The following CSMD1 variants were observed in gnomAD, a reference collection of about 807,000 sequenced individuals.
CSMD1 encodes the protein CUB and Sushi multiple domains 1.
In CSMD1, 213 loss-of-function variants were observed where a neutral mutation model predicts 417.5. That is an observed-to-expected ratio of 0.51 (90% confidence interval 0.46 to 0.57). CSMD1 has a LOEUF of 0.57. Ranked by LOEUF, CSMD1 falls within the 20% of genes least tolerant of loss-of-function variation. The pLI is 0.00. For missense variants in CSMD1, 6,923 were observed against 4,529.7 expected (o/e 1.53, Z -15.17); for synonymous variants, 2,862 against 1,736.8 (o/e 1.65, Z -16.11).
intron 3 of CSMD1, among the ~76,000 whole-genome samples, chr8:4,320,935 C>T (rs977413192): frequency 2.0e-5 from 3 of 152,114 alleles, no homozygotes; most frequent in African/African-American, 7.2e-5. Context: ...TCCTCTCCTC[C>T]CAGTGTGAGG....
chr8:3,156,439 T>C (rs1253098953), intron 39 of CSMD1, among the ~76,000 whole-genome samples: 1 of 152,162 alleles, frequency 6.6e-6, no homozygotes, highest in African/African-American at 2.4e-5. Context: ...CAAGTCTCTG[T>C]CACCAAAGCC....
At chr8:3,955,352 C>A (rs191266120) in intron 5 of CSMD1, among the ~76,000 whole-genome samples, 2 of 152,302 alleles carry the variant, frequency 1.3e-5, no homozygotes, top group Non-Finnish European at 2.9e-5. Context: ...GAAACAAAAA[C>A]CATACATCCC....
At chr8:4,235,652 C>G (rs1262792848) in intron 3 of CSMD1, among the ~76,000 whole-genome samples, 1 of 152,078 alleles carries the variant, frequency 6.6e-6, no homozygotes, top group Non-Finnish European at 1.5e-5. Flanking sequence ...AATGCATCGA[C>G]CCTTTTAAAA....
rs776294172 is a variant in CSMD1 at position 3,087,213 on chromosome 8, C to T, written c.7358G>A (p.Ser2453Asn). ...ILNRTAGAVG[S>N]KVHYFCKPGY... The stretch of plus-strand genomic sequence containing the variant: ...AGGCTTGCAAAAATAATGCACTTTG[C>T]TTCCAACCGCTCCTGCAGTCCTGTT... The change falls in exon 49 of 70, where the codon AGC becomes AAC. Residue 2453 changes from serine to asparagine, a missense_variant. Ser to Asn is a conservative substitution (Grantham distance 46). Transcript: ENST00000635120. The T allele has an allele frequency of 1.2e-6, 2 of 1,613,978 alleles. No individual in the cohort carries two copies. Among genetic ancestry groups the T allele is most frequent in the Non-Finnish European group, 1.7e-6 (2 of 1,179,888 alleles).
At position 4,198,856 on chromosome 8, in the gene CSMD1, A is replaced by G. The variant is rs148393950; in HGVS notation, c.416-166757T>C. On this transcript the variant is annotated intron_variant, in intron 3 of 69. Transcript: ENST00000635120. Reference sequence around the variant, plus strand: ...CCATCTCAGGAGAGACAGCGCAACAATATCACGTATTTCCCCTTCCTTTTA... The same window carrying G: ...CCATCTCAGGAGAGACAGCGCAACAGTATCACGTATTTCCCCTTCCTTTTA... Among the ~76,000 whole-genome samples, 1,301 of 152,240 alleles carry G rather than the reference A, an allele frequency of 8.5e-3. 17 individuals are homozygous for G. The highest frequency in any genetic ancestry group is 0.03 in the African/African-American group (1,235 of 41,512).
intron 3 of CSMD1, among the ~76,000 whole-genome samples, chr8:4,044,001 A>G (rs928634984): frequency 8.0e-5 from 12 of 150,682 alleles, no homozygotes; most frequent in African/African-American, 2.9e-4. Context: ...AATGTCAGAA[A>G]GAAATAATTT....
At chr8:3,798,997 T>C (rs981559246) in intron 5 of CSMD1, among the ~76,000 whole-genome samples, 1 of 152,076 alleles carries the variant, frequency 6.6e-6, no homozygotes, top group Non-Finnish European at 1.5e-5. Flanking sequence ...ATATGCCATA[T>C]AAATGTAATA....
intron 2 of CSMD1, among the ~76,000 whole-genome samples, chr8:4,486,250 C>CAT (rs376449969): frequency 0.05 from 644 of 12,824 alleles, 12 homozygotes; most frequent in East Asian, 0.24. Context: ...TATATACATA[C>CAT]ATATATATAT....
intron 26 of CSMD1, among the ~76,000 whole-genome samples, chr8:3,264,433 C>A (rs1057390471): frequency 2.0e-5 from 3 of 152,100 alleles, no homozygotes; most frequent in Non-Finnish European, 4.4e-5. Flanking sequence ...ACACAAGTGT[C>A]AGGAGAATCT....
intron 4 of CSMD1, among the ~76,000 whole-genome samples, chr8:4,023,226 G>T (rs1043483672): frequency 1.3e-5 from 2 of 152,144 alleles, no homozygotes; most frequent in Admixed American, 6.5e-5. Context: ...AGATGTGAAA[G>T]GTGGCCATCT....
chr8:3,832,666 AG>A (rs1272549647), intron 5 of CSMD1, among the ~76,000 whole-genome samples: 1 of 152,212 alleles, frequency 6.6e-6, no homozygotes, highest in Non-Finnish European at 1.5e-5. Flanking sequence ...CTGAGATTCA[AG>A]GACCGTGGAC....
intron 3 of CSMD1, among the ~76,000 whole-genome samples, chr8:4,358,396 T>G (rs978885244): frequency 2.0e-5 from 3 of 152,162 alleles, no homozygotes; most frequent in African/African-American, 7.2e-5. Flanking sequence ...AAGGGGACTG[T>G]TTCGTGACAC....
chr8:4,904,266 G>A (rs889529968), intron 1 of CSMD1, among the ~76,000 whole-genome samples: 1 of 152,126 alleles, frequency 6.6e-6, no homozygotes, highest in Non-Finnish European at 1.5e-5. Flanking sequence ...CTTAACTGTG[G>A]ATTTTAGGAA....
chr8:3,931,262 G>A (rs765924287), intron 5 of CSMD1, among the ~76,000 whole-genome samples: 1 of 150,438 alleles, frequency 6.6e-6, no homozygotes, highest in Non-Finnish European at 1.5e-5. Flanking sequence ...AGAACGCTCT[G>A]CATTTTGAAT....
At chr8:3,342,892 T>C (rs73657820) in intron 23 of CSMD1, among the ~76,000 whole-genome samples, 1,273 of 40,648 alleles carry the variant, frequency 0.031, 18 homozygotes, top group African/African-American at 0.13. Flanking sequence ...TATAAATATA[T>C]GTGTGTATGT....
At chr8:4,446,888 T>C (rs1013349266) in intron 2 of CSMD1, among the ~76,000 whole-genome samples, 1 of 151,292 alleles carries the variant, frequency 6.6e-6, no homozygotes, top group South Asian at 2.1e-4. Context: ...CCCAATGTTC[T>C]GGGATTACAG....
At position 3,748,942 on chromosome 8, in the gene CSMD1, C is replaced by T. The variant is rs1018738166; in HGVS notation, c.931+4988G>A. ...ATAAAAATTGGAATTTTATTACAAA[C>T]ACTTACTTTCATGATGATTTATCAG... On this transcript the variant is annotated intron_variant, in intron 6 of 69. Coordinates refer to ENST00000635120, the MANE Select transcript of CSMD1 (RefSeq NM_033225.6). Among the ~76,000 whole-genome samples, 6 of 152,120 alleles carry T rather than the reference C, an allele frequency of 3.9e-5. No homozygotes were observed. The South Asian group carries it at 6.2e-4, about 16-fold the overall frequency.
chr8:3,529,245 A>T (rs1044851162), intron 10 of CSMD1, among the ~76,000 whole-genome samples: 3 of 152,248 alleles, frequency 2.0e-5, no homozygotes, highest in Non-Finnish European at 4.4e-5. Context: ...CCAGTAGCTC[A>T]TATTTCAATG....
At chr8:4,081,951 A>G (rs1018034620) in intron 3 of CSMD1, among the ~76,000 whole-genome samples, 34 of 152,168 alleles carry the variant, frequency 2.2e-4, no homozygotes, top group African/African-American at 7.0e-4. Context: ...TCGAAAAACC[A>G]TATAAACTCA....
Sources: gnomAD v4.1 joint callset for allele counts (sites outside exome capture counted in the v4.1 genomes callset) on GRCh38, gnomAD v4.1.1 for gene constraint, MANE v1.5 for transcripts, NCBI Gene and HGNC (gene_info 2026-07-23, HGNC 2026-07-21) for gene names.